Variants in MCF2L2 observed in about 807,000 individuals in gnomAD.
MCF2L2 encodes probable guanine nucleotide exchange factor MCF2L2.
A neutral mutation model predicts 150.2 loss-of-function variants in MCF2L2; 102 were observed. That is an observed-to-expected ratio of 0.68 (90% CI 0.58 to 0.80). The LOEUF (loss-of-function observed/expected upper bound fraction) is 0.80. MCF2L2 is among the 30% of genes least tolerant of loss of function. The pLI, the probability that MCF2L2 is intolerant of heterozygous loss-of-function variation, is 0.00. For synonymous variants in MCF2L2, 465 were observed against 491.3 expected (o/e 0.95, Z 0.71); for missense variants, 1,256 against 1,372.8 (o/e 0.91, Z 1.34).
chr3:183,361,025 GAA>G, intron 3 of MCF2L2, among the ~76,000 whole-genome samples: 2 of 115,906 alleles, frequency 1.7e-5, no homozygotes, highest in South Asian at 2.7e-4. Context: ...AAAGAAAAGA[GAA>G]AAGAAAAGGA....
Position 183,179,244 on chromosome 3 carries a change from C to T in MCF2L2, c.*136G>A. The stretch of plus-strand genomic sequence containing the variant: ...ACCCCTCGGGCTCCTCGGAGGAGGC[C>T]CTGGTTGTCCCCTTTCTGCCGCCGC... On this transcript the variant is annotated 3_prime_UTR_variant, in exon 30 of 30. Coordinates refer to ENST00000328913, the MANE Select transcript of MCF2L2 (RefSeq NM_015078.4). This position sits in a 1 kb window ranked among gnomAD's most constrained non-coding sequence, Gnocchi z 4.2. 2.4e-6 allele frequency: 3 copies of T among 1,228,386 alleles called. No homozygotes were observed. Among genetic ancestry groups the T allele is most frequent in the South Asian group, 2.0e-5 (1 of 49,174 alleles). 76.1% of individuals were successfully genotyped at this position (1,228,386 alleles called of 1,614,324 possible). A position where few individuals can be genotyped will look rare whatever the true frequency, so the allele number is the denominator to read the frequency against.
intron 15 of MCF2L2, among the ~76,000 whole-genome samples, chr3:183,262,345 G>A (rs907382076): frequency 6.6e-6 from 1 of 152,084 alleles, no homozygotes; most frequent in African/African-American, 2.4e-5. Flanking sequence ...CCAGTCAGCA[G>A]GACAGGGATT....
At chr3:183,349,288 G>A (rs774669364) in intron 3 of MCF2L2, among the ~76,000 whole-genome samples, 1 of 152,094 alleles carries the variant, frequency 6.6e-6, no homozygotes, top group Non-Finnish European at 1.5e-5. Context: ...TTAGAGCACT[G>A]ACTTTAAGCC....
chr3:183,320,094 C>CT (rs568657208), intron 6 of MCF2L2, among the ~76,000 whole-genome samples: 22,135 of 134,600 alleles, frequency 0.16, 2,161 homozygotes, highest in African/African-American at 0.26. Flanking sequence ...TTTTTCTTTT[C>CT]TTTTTTTTTT....
intron 5 of MCF2L2, among the ~76,000 whole-genome samples, chr3:183,337,417 C>T (rs982567945): frequency 4.0e-5 from 6 of 151,836 alleles, no homozygotes; most frequent in African/African-American, 7.3e-5. Flanking sequence ...ATTAGCTGGG[C>T]GTGGTGGCAG....
intron 12 of MCF2L2, chr3:183,296,102 G>C (rs886742738): frequency 3.3e-5 from 5 of 152,418 alleles, no homozygotes. Flanking sequence ...GATATAATCT[G>C]TTTGTTCCTC....
chr3:183,206,895 AAGAAAGAC>A (rs1260091621), intron 23 of MCF2L2, among the ~76,000 whole-genome samples: 10 of 149,706 alleles, frequency 6.7e-5, no homozygotes, highest in African/African-American at 2.2e-4. Context: ...AAAGACAAGA[AAGAAAGAC>A]AGAAAGAAAG....
chr3:183,191,271 C>T (rs901805636), intron 27 of MCF2L2, among the ~76,000 whole-genome samples: 2 of 36,798 alleles, frequency 5.4e-5, no homozygotes, highest in African/African-American at 1.9e-4. Context: ...ACATGCATGG[C>T]CTCCCTATCA....
chr3:183,189,501 CT>C (rs1345480120), intron 27 of MCF2L2, among the ~76,000 whole-genome samples: 1 of 152,210 alleles, frequency 6.6e-6, no homozygotes, highest in Non-Finnish European at 1.5e-5. Context: ...TGGGAACCGT[CT>C]TAAGTGAATC....
In MCF2L2 at chr3:183,338,837, A is replaced by T. The variant is rs758491545; in HGVS notation, c.449T>A (p.Ile150Asn). 2 of 1,607,166 alleles carry T rather than the reference A, an allele frequency of 1.2e-6. No homozygotes were observed. Among genetic ancestry groups the T allele is most frequent in the Non-Finnish European group, 1.7e-6 (2 of 1,175,066 alleles). ...TTTAAACTCATTTCGATAGTATTTAATGCCAATGTCAGTGAATGTCCTCTG... is the reference window on the plus strand; with the variant it reads ...TTTAAACTCATTTCGATAGTATTTATTGCCAATGTCAGTGAATGTCCTCTG... ...FIQRTFTDIG[I>N]KYYRNEFKTK... Residue 150 changes from isoleucine to asparagine, a missense_variant, in exon 5 of 30, where the codon ATT (isoleucine) becomes AAT (asparagine). Transcript: ENST00000328913.
At chr3:183,252,943 T>TATG (rs1220220703) in intron 15 of MCF2L2, among the ~76,000 whole-genome samples, 1 of 152,210 alleles carries the variant, frequency 6.6e-6, no homozygotes, top group Non-Finnish European at 1.5e-5. Context: ...CATCTCTCGA[T>TATG]ATTGTCTGGT....
At chr3:183,405,741 G>A (rs753059911) in intron 1 of MCF2L2, among the ~76,000 whole-genome samples, 27 of 152,298 alleles carry the variant, frequency 1.8e-4, no homozygotes, top group Admixed American at 3.3e-4. Context: ...TTTTTAGACA[G>A]GGTCTCACTC....
chr3:183,392,383 C>T (rs763867419), intron 1 of MCF2L2, among the ~76,000 whole-genome samples: 1 of 152,174 alleles, frequency 6.6e-6, no homozygotes, highest in Non-Finnish European at 1.5e-5. Context: ...TGCAAAGGCT[C>T]CTGCAACCCT....
intron 1 of MCF2L2, among the ~76,000 whole-genome samples, chr3:183,402,871 T>G (rs1714844297): frequency 6.6e-6 from 1 of 151,416 alleles, no homozygotes; most frequent in East Asian, 1.9e-4. Flanking sequence ...ACAAAAAATA[T>G]ATATATATAT....
chr3:183,364,021 T>C (rs1391006754), intron 3 of MCF2L2, among the ~76,000 whole-genome samples: 2 of 152,168 alleles, frequency 1.3e-5, no homozygotes, highest in African/African-American at 2.4e-5. Flanking sequence ...AAATGTAAAG[T>C]AAAATTTCAG....
intron 3 of MCF2L2, 140 bp downstream of exon 3, chr3:183,379,157 G>T: frequency 1.8e-6 from 1 of 565,410 alleles, no homozygotes; most frequent in Non-Finnish European, 3.0e-6. Context: ...TGACTGATGG[G>T]TGACAGAAGC....
At chr3:183,314,582 G>A (rs1411546689) in intron 7 of MCF2L2, among the ~76,000 whole-genome samples, 2 of 151,940 alleles carry the variant, frequency 1.3e-5, no homozygotes, top group Non-Finnish European at 2.9e-5. Context: ...CCAGGAGAAA[G>A]GAATTCAAGA....
At chr3:183,212,151 C>A (rs184827058) in intron 22 of MCF2L2, among the ~76,000 whole-genome samples, 1 of 152,168 alleles carries the variant, frequency 6.6e-6, no homozygotes, top group Non-Finnish European at 1.5e-5. Flanking sequence ...GAAGCTCAGA[C>A]GAGGTAAGGA....
intron 3 of MCF2L2, among the ~76,000 whole-genome samples, chr3:183,352,558 T>A (rs6443874): frequency 6.6e-6 from 1 of 152,064 alleles, no homozygotes; most frequent in Non-Finnish European, 1.5e-5. Flanking sequence ...GAGACTCTAA[T>A]GTTTTCTGTG....
Sources: gnomAD v4.1 joint callset for allele counts (sites outside exome capture counted in the v4.1 genomes callset) on GRCh38, gnomAD v4.1.1 for gene constraint, Gnocchi (gnomAD v3.1) non-coding constraint, MANE v1.5 for transcripts, NCBI Gene and HGNC (gene_info 2026-07-23, HGNC 2026-07-21) for gene names.